Variants in TRPV4 observed in about 807,000 individuals in gnomAD.
TRPV4 encodes OSM9-like transient receptor potential channel 4.
Under a neutral mutation model 84.1 loss-of-function variants are expected in TRPV4, and 58 were observed. The ratio of observed to expected loss-of-function variants is 0.69; its 90% CI spans 0.56 to 0.86. The LOEUF (loss-of-function observed/expected upper bound fraction) is 0.86. TRPV4 is among the 40% of genes least tolerant of loss of function. The pLI, the probability that TRPV4 is intolerant of heterozygous loss-of-function variation, is 0.00. For missense variants in TRPV4, 879 were observed against 1,181.1 expected (o/e 0.74, Z 3.75); for synonymous variants, 489 against 500.9 (o/e 0.98, Z 0.32).
At chr12:109,788,259 C>T in intron 13 of TRPV4, 141 bp downstream of exon 13, 1 of 850,030 alleles carries the variant, frequency 1.2e-6, no homozygotes, top group Non-Finnish European at 1.8e-6. Flanking sequence ...CTCTGATGCC[C>T]ATTTTACCGA....
intron 4 of TRPV4, among the ~76,000 whole-genome samples, chr12:109,801,443 T>C (rs904421013): frequency 3.3e-5 from 5 of 152,122 alleles, no homozygotes; most frequent in Non-Finnish European, 7.4e-5. Context: ...TATAAGGGGC[T>C]TTTCCCCCTT....
intron 12 of TRPV4, among the ~76,000 whole-genome samples, chr12:109,792,039 T>C (rs1446765815): frequency 6.7e-6 from 1 of 148,740 alleles, no homozygotes; most frequent in Non-Finnish European, 1.5e-5. Context: ...AAGACCAGCA[T>C]GGCCAACATG....
At chr12:109,795,679 T>G (rs1483153458) in intron 7 of TRPV4, among the ~76,000 whole-genome samples, 2 of 152,172 alleles carry the variant, frequency 1.3e-5, no homozygotes, top group Admixed American at 1.3e-4. Flanking sequence ...AAAGAATATT[T>G]AAAAGTACAG....
intron 7 of TRPV4, among the ~76,000 whole-genome samples, chr12:109,794,915 G>C (rs907981081): frequency 6.6e-6 from 1 of 152,148 alleles, no homozygotes; most frequent in African/African-American, 2.4e-5. Flanking sequence ...CTACTCCTAA[G>C]GCTGAGGCAG....
Position 109,814,869 on chromosome 12 carries a change from G to A in TRPV4, c.-31-42C>T. ...GGGGAGTCAGGCAGAACCCGGCCAGGGGCGGGGGCTCCAGGAAGCCCCCTC... is the reference window on the plus strand; with the variant it reads ...GGGGAGTCAGGCAGAACCCGGCCAGAGGCGGGGGCTCCAGGAAGCCCCCTC... On this transcript the variant is annotated intron_variant, in intron 1 of 15. Coordinates refer to ENST00000261740, the MANE Select transcript of TRPV4 (RefSeq NM_021625.5). This position sits in a 1 kb window ranked among gnomAD's most constrained non-coding sequence, Gnocchi z 5.4. 3.9e-6 allele frequency: 6 copies of A among 1,522,012 alleles called. No homozygotes were observed. The highest frequency in any genetic ancestry group is 5.3e-6 in the Non-Finnish European group (6 of 1,138,322). 94.3% of individuals were successfully genotyped at this position (1,522,012 alleles called of 1,614,324 possible).
At chr12:109,791,019 G>A (rs956730894) in intron 12 of TRPV4, among the ~76,000 whole-genome samples, 3 of 152,202 alleles carry the variant, frequency 2.0e-5, no homozygotes, top group African/African-American at 7.2e-5. Flanking sequence ...ACAGGCACAA[G>A]AGCCTGTAGG....
Position 109,800,675 on chromosome 12 carries a change from C to A in TRPV4, c.796G>T (p.Ala266Ser), listed in dbSNP as rs752366465. ...TGGAAGAAGCGCCCACGGGCCTGGG[C>A]GTGGACATCAGCTCCCTGGGCCACG... ...LLVAQGADVH[A>S]QARGRFFQPK... is the part of the protein sequence containing the mutation. Residue 266 changes from alanine to serine, a missense_variant, in exon 5 of 16, where the codon GCC becomes TCC. Ala to Ser is a moderately conservative substitution (Grantham distance 99, BLOSUM62 1). Transcript: ENST00000261740. 1.9e-6 allele frequency: 3 copies of A among 1,614,178 alleles called. No homozygotes were observed. Among genetic ancestry groups the A allele is most frequent in the Non-Finnish European group, 2.5e-6 (3 of 1,180,028 alleles).
chr12:109,827,341 C>T (rs1892280241), intron 1 of TRPV4, among the ~76,000 whole-genome samples: 1 of 152,256 alleles, frequency 6.6e-6, no homozygotes, highest in South Asian at 2.1e-4. Flanking sequence ...CAGGTGCTTC[C>T]TTCTGATGCC....
At chr12:109,822,154 G>T (rs748314098) in intron 1 of TRPV4, among the ~76,000 whole-genome samples, 42 of 150,524 alleles carry the variant, frequency 2.8e-4, no homozygotes, top group Middle Eastern at 3.4e-3. Flanking sequence ...GAATGGTGTG[G>T]CCTGGGGCAC....
At chr12:109,787,975 C>T (rs1026334365) in intron 13 of TRPV4, among the ~76,000 whole-genome samples, 9 of 152,244 alleles carry the variant, frequency 5.9e-5, no homozygotes, top group Non-Finnish European at 1.3e-4. Context: ...AGCATGCTCA[C>T]AGTTGCTAGA....
At position 109,814,388 on chromosome 12, in the gene TRPV4, G is replaced by A. The variant is rs1257325697; in HGVS notation, c.386+23C>T. ...ATGGATACAGAGGAGGAGACCACAGGCCAGGAAGCTAACAATACTCACTCT... is the reference window on the plus strand; with the variant it reads ...ATGGATACAGAGGAGGAGACCACAGACCAGGAAGCTAACAATACTCACTCT... On this transcript the variant is annotated intron_variant, in intron 2 of 15. Coordinates refer to ENST00000261740, the MANE Select transcript of TRPV4 (RefSeq NM_021625.5). This position sits in a 1 kb window ranked among gnomAD's most constrained non-coding sequence, Gnocchi z 5.4. The A allele has an allele frequency of 1.2e-6, 2 of 1,612,024 alleles. No individual in the cohort carries two copies. The highest frequency in any genetic ancestry group is 8.5e-7 in the Non-Finnish European group (1 of 1,179,288).
chr12:109,823,813 C>G (rs1166073427), intron 1 of TRPV4, among the ~76,000 whole-genome samples: 1 of 152,184 alleles, frequency 6.6e-6, no homozygotes, highest in Non-Finnish European at 1.5e-5. Flanking sequence ...TGAATTACAT[C>G]TAAATGACCC....
rs1445683642 is a variant in TRPV4 at position 109,814,121 on chromosome 12, G to A, written c.386+290C>T. Among the ~76,000 whole-genome samples, 1 of 151,842 alleles carries A rather than the reference G, an allele frequency of 6.6e-6. No homozygotes were observed. Among genetic ancestry groups the A allele is most frequent in the Non-Finnish European group, 1.5e-5 (1 of 67,950 alleles). Reference sequence around the variant, plus strand: ...TCGATGGATAGATGTATGGATGGTTGGATGGATGGATGGAGGATATAGAGA... The same window carrying A: ...TCGATGGATAGATGTATGGATGGTTAGATGGATGGATGGAGGATATAGAGA... On this transcript the variant is annotated intron_variant, in intron 2 of 15. Transcript: ENST00000261740. This position sits in a 1 kb window ranked among gnomAD's most constrained non-coding sequence, Gnocchi z 5.4.
In TRPV4 at chr12:109,793,006, T is replaced by C. The variant is rs972757120; in HGVS notation, c.1659-189A>G. ...CTGTTAACAAGAACATTCAATTAGC[T>C]GGCAATTAATCCTGAGGTCCCACAG... On this transcript the variant is annotated intron_variant, in intron 10 of 15. Coordinates refer to ENST00000261740, the MANE Select transcript of TRPV4 (RefSeq NM_021625.5). This position sits in a 1 kb window ranked among gnomAD's most constrained non-coding sequence, Gnocchi z 4.0. 9.2e-5 allele frequency among the ~76,000 whole-genome samples: 14 copies of C among 152,350 alleles called. No homozygotes were observed. The highest frequency in any genetic ancestry group is 2.9e-4 in the African/African-American group (12 of 41,584).
chr12:109,823,629 A>G (rs1892171046), intron 1 of TRPV4, among the ~76,000 whole-genome samples: 1 of 152,166 alleles, frequency 6.6e-6, no homozygotes, highest in South Asian at 2.1e-4. Flanking sequence ...CAGAAAGCAG[A>G]TTAGTTGTTG....
rs1407727284 is a variant in TRPV4, at chr12:109,815,517, A to G, written c.-31-690T>C. Among the ~76,000 whole-genome samples the G allele has an allele frequency of 2.0e-5, 3 of 151,976 alleles. No individual in the cohort carries two copies. The highest frequency in any genetic ancestry group is 1.5e-5 in the Non-Finnish European group (1 of 67,972). ...TTGAGTTGACTTCCCCAGTGCACAA[A>G]CTCTGCTCCCCAGTGCAAAGTGCTG... On this transcript the variant is annotated intron_variant, in intron 1 of 15. Transcript: ENST00000261740. This position sits in a 1 kb window ranked among gnomAD's most constrained non-coding sequence, Gnocchi z 4.1.
intron 4 of TRPV4, 126 bp downstream of exon 4, chr12:109,802,865 T>C: frequency 2.1e-6 from 2 of 932,044 alleles, no homozygotes; most frequent in Non-Finnish European, 3.4e-6. Flanking sequence ...CATCCATCCA[T>C]CCATTTGTCA....
At chr12:109,789,814 G>A (rs1044268266) in intron 12 of TRPV4, among the ~76,000 whole-genome samples, 9 of 152,222 alleles carry the variant, frequency 5.9e-5, no homozygotes, top group Non-Finnish European at 1.2e-4. Flanking sequence ...CTGAGACCTT[G>A]TCTGGACTCA....
chr12:109,828,170 C>T (rs371859091), intron 1 of TRPV4, among the ~76,000 whole-genome samples: 3 of 152,188 alleles, frequency 2.0e-5, no homozygotes, highest in East Asian at 1.9e-4. Flanking sequence ...GTCCCCTGAG[C>T]CCCCGCCTCC....
Sources: allele counts gnomAD v4.1 joint callset (sites outside exome capture counted in the v4.1 genomes callset), GRCh38; gene constraint gnomAD v4.1.1; non-coding constraint Gnocchi (gnomAD v3.1); transcripts MANE v1.5; gene names NCBI Gene and HGNC (gene_info 2026-07-23, HGNC 2026-07-21).